Variants in MYH3 observed in about 807,000 individuals in gnomAD.
MYH3 encodes myosin heavy chain 3.
MYH3 carries 130 observed loss-of-function variants against 238.0 expected under a neutral mutation model. That is an observed-to-expected ratio of 0.55 (90% CI 0.47 to 0.63). MYH3 has a LOEUF of 0.63. Ranked by LOEUF, MYH3 falls within the 30% of genes least tolerant of loss-of-function variation. The pLI is 0.00. For missense variants in MYH3, 1,853 were observed against 2,374.9 expected, an observed-to-expected ratio of 0.78 and a Z score of 4.57; for synonymous variants, 880 against 924.1, an observed-to-expected ratio of 0.95 and a Z score of 0.86.
At chr17:10,635,616 G>A (rs908049428) in intron 29 of MYH3, 53 bp from the exon 30 acceptor site, 1 of 1,614,056 alleles carries the variant, frequency 6.2e-7, no homozygotes, top group Non-Finnish European at 8.5e-7. Context: ...CCAGGTGCAT[G>A]ATACAATCCA....
At position 10,633,720 on chromosome 17, in the gene MYH3, A is replaced by G. The variant is rs764600406; in HGVS notation, c.4523-5T>C. 1 of 1,613,778 alleles carries G rather than the reference A, an allele frequency of 6.2e-7. No homozygotes were observed. Among genetic ancestry groups the G allele is most frequent in the African/African-American group, 1.3e-5 (1 of 74,938 alleles). On this transcript the variant is annotated splice_region_variant and splice_polypyrimidine_tract_variant and intron_variant, in intron 32 of 40. Coordinates refer to ENST00000583535, the MANE Select transcript of MYH3 (RefSeq NM_002470.4). Reference sequence around the variant, plus strand: ...CTGTGAGATCTGCTATCTCCTCTGTAAAGAAGTAAGTTTCAGTTGCATATG... The same window carrying G: ...CTGTGAGATCTGCTATCTCCTCTGTGAAGAAGTAAGTTTCAGTTGCATATG...
the MYH3 span, among the ~76,000 whole-genome samples, chr17:10,672,202 C>T: frequency 6.6e-6 from 1 of 152,164 alleles, no homozygotes; most frequent in Non-Finnish European, 1.5e-5. Flanking sequence ...TTTCATTAAT[C>T]ACTGTTCCAA....
intron 12 of MYH3, among the ~76,000 whole-genome samples, chr17:10,645,044 A>T (rs1383006393): frequency 5.5e-5 from 8 of 146,726 alleles, no homozygotes; most frequent in Non-Finnish European, 1.0e-4. Context: ...GCTTCCATCC[A>T]TTTTTTTTTT....
intron 6 of MYH3, 37 bp from the exon 7 acceptor site, chr17:10,649,722 G>A (rs774208734): frequency 6.3e-7 from 1 of 1,595,680 alleles, no homozygotes; most frequent in South Asian, 1.1e-5. Context: ...AAAGAAACAA[G>A]TCTGTTAGTA....
Position 10,641,220 on chromosome 17 carries a change from A to G in MYH3, c.2048-18T>C. ...CATAGCCCCTGGGAACAGAAGCGAGATATCAGCCTTACACAGAATTTCTTA... is the reference window on the plus strand; with the variant it reads ...CATAGCCCCTGGGAACAGAAGCGAGGTATCAGCCTTACACAGAATTTCTTA... On this transcript the variant is annotated intron_variant, in intron 18 of 40. Coordinates refer to ENST00000583535, the MANE Select transcript of MYH3 (RefSeq NM_002470.4). The G allele has an allele frequency of 3.1e-6, 5 of 1,612,428 alleles. No homozygotes were observed. The highest frequency in any genetic ancestry group is 4.2e-6 in the Non-Finnish European group (5 of 1,178,472).
At chr17:10,637,783 C>T (rs2074228853) in intron 28 of MYH3, 26 bp downstream of exon 28, 1 of 1,613,486 alleles carries the variant, frequency 6.2e-7, no homozygotes, top group African/African-American at 1.3e-5. Context: ...GGTTTTGGCC[C>T]CACGGGTTTT....
At chr17:10,653,424 C>G (rs1464397113) in intron 3 of MYH3, among the ~76,000 whole-genome samples, 1 of 152,190 alleles carries the variant, frequency 6.6e-6, no homozygotes, top group Non-Finnish European at 1.5e-5. Flanking sequence ...ACCTCTTCCC[C>G]CTTCACCACC....
rs1377287179 is a variant in MYH3 at position 10,638,131 on chromosome 17, A to T, written c.3641T>A (p.Val1214Asp). Residue 1214 changes from valine to aspartate, a missense_variant, in exon 27 of 41, where the codon GTC (valine) becomes GAC (aspartate). This residue lies in a region of MYH3 where 1,044 missense variants were observed against 1,192.6 expected (regional missense o/e 0.88). Coordinates refer to ENST00000583535, the MANE Select transcript of MYH3 (RefSeq NM_002470.4). ...CTTCTCCTTCTCCAGCTTCTGCTTG[A>T]CCCGCTGCAGGTTGTCAATCTGCTC... ...LGEQIDNLQR[V>D]KQKLEKEKSE... The T allele has an allele frequency of 6.2e-7, 1 of 1,612,862 alleles. No individual in the cohort carries two copies. The highest frequency in any genetic ancestry group is 1.7e-5 in the Admixed American group (1 of 59,858).
rs2074175687 is a variant in MYH3, at chr17:10,632,648, A to G, written c.4784T>C (p.Val1595Ala). 6.2e-7 allele frequency: 1 copy of G among 1,613,546 alleles called. No homozygotes were observed. Among genetic ancestry groups the G allele is most frequent in the Non-Finnish European group, 8.5e-7 (1 of 1,179,954 alleles). The change falls in exon 34 of 41, where the codon GTG becomes GCG. Residue 1595 changes from valine (V) to alanine (A), a missense_variant. By Grantham distance (64) the Val-to-Ala change is moderately conservative (BLOSUM62 0). Around this residue, in one of 3 missense-constraint regions of MYH3, gnomAD observed 1,044 missense variants for 1,192.6 expected, o/e 0.88. Transcript: ENST00000583535. ...EQLKRNYQRT[V>A]ETMQSALDAE... ...GTCCAGGGCGCTCTGCATGGTTTCC[A>G]CTGTTCTCTGGTAGTTCCTCTTCAG...
the MYH3 span, among the ~76,000 whole-genome samples, chr17:10,663,146 T>C: frequency 2.7e-5 from 4 of 148,414 alleles, no homozygotes; most frequent in Admixed American, 2.7e-4. Context: ...TAAATCTTAT[T>C]GGACATTTTA....
rs1182364699 is a variant in MYH3, at chr17:10,642,455, A to G, written c.1850T>C (p.Leu617Pro). The G allele has an allele frequency of 6.2e-7, 1 of 1,614,184 alleles. No homozygotes were observed. The highest frequency in any genetic ancestry group is 8.5e-7 in the Non-Finnish European group (1 of 1,180,032). The change falls in exon 16 of 41, where the codon CTC becomes CCC. Residue 617 changes from leucine to proline, a missense_variant. Around this residue, in one of 3 missense-constraint regions of MYH3, gnomAD observed 678 missense variants for 1,058.9 expected, o/e 0.64. Coordinates refer to ENST00000583535, the MANE Select transcript of MYH3 (RefSeq NM_002470.4). This position sits in a 1 kb window ranked among gnomAD's most constrained non-coding sequence, Gnocchi z 5.4. Reference protein sequence around the residue: ...VGLYQKSSNRLLAHLYATFAT... With the variant: ...VGLYQKSSNRPLAHLYATFAT... ...AAACGTGGCATAGAGGTGTGCCAGGAGCCTGTTGGAAGACTTCTGGTACAG... is the reference window on the plus strand; with the variant it reads ...AAACGTGGCATAGAGGTGTGCCAGGGGCCTGTTGGAAGACTTCTGGTACAG...
chr17:10,643,024 A>G lies in MYH3; in HGVS notation c.1411-28T>C, dbSNP rs773339457. The G allele has an allele frequency of 2.5e-5, 40 of 1,614,046 alleles. No individual in the cohort carries two copies. In the African/African-American group the frequency reaches 4.8e-4, roughly 19 times the overall value. On this transcript the variant is annotated intron_variant, in intron 14 of 40. Transcript: ENST00000583535. ...AATAAAAAAATACAACATTCATGTG[A>G]AAAGTTAGACTTCTTTCAGAATCAA...
chr17:10,637,698 A>T, intron 28 of MYH3, 111 bp downstream of exon 28: 1 of 1,432,910 alleles, frequency 7.0e-7, no homozygotes, highest in Middle Eastern at 2.4e-4. Context: ...TCCTGAAAAG[A>T]TGCTTCCCTA....
Position 10,655,024 on chromosome 17 carries a change from G to A in MYH3, c.41C>T (p.Ala14Val). 1 of 1,614,234 alleles carries A rather than the reference G, an allele frequency of 6.2e-7. No homozygotes were observed. The highest frequency in any genetic ancestry group is 8.5e-7 in the Non-Finnish European group (1 of 1,180,044). The stretch of plus-strand genomic sequence containing the variant: ...CTTTTCTGACTTCCGGAGGAAAGGA[G>A]CAGCTATGCCGAACACTTCCATTTC... Reference protein sequence around the residue: ...DTEMEVFGIAAPFLRKSEKER... With the variant: ...DTEMEVFGIAVPFLRKSEKER... Residue 14 changes from alanine to valine, a missense_variant, in exon 3 of 41, where the codon GCT (alanine) becomes GTT (valine). Physicochemically the swap from Ala to Val is moderately conservative, Grantham distance 64 (BLOSUM62 0). Around this residue, in one of 3 missense-constraint regions of MYH3, gnomAD observed 131 missense variants for 123.5 expected, o/e 1.06. Coordinates refer to ENST00000583535, the MANE Select transcript of MYH3 (RefSeq NM_002470.4).
In MYH3 at chr17:10,647,166, C is replaced by T; in HGVS notation, c.898+16G>A. On this transcript the variant is annotated intron_variant, in intron 10 of 40. Transcript: ENST00000583535. Reference sequence around the variant, plus strand: ...CAAACTACCTAAAAGACCAGCCCCACTGGTGACTTCCTCACCTATGAGCTC... The same window carrying T: ...CAAACTACCTAAAAGACCAGCCCCATTGGTGACTTCCTCACCTATGAGCTC... The T allele has an allele frequency of 6.3e-7, 1 of 1,595,620 alleles. No homozygotes were observed. Among genetic ancestry groups the T allele is most frequent in the Non-Finnish European group, 8.6e-7 (1 of 1,163,216 alleles).
chr17:10,675,616 C>T, the MYH3 span: 1 of 152,164 alleles, frequency 6.6e-6, no homozygotes, highest in African/African-American at 2.4e-5. Context: ...GAATTACTAA[C>T]CATCTCACCT....
intron 28 of MYH3, among the ~76,000 whole-genome samples, chr17:10,637,015 G>A (rs2074222085): frequency 6.6e-6 from 1 of 151,888 alleles, no homozygotes; most frequent in Non-Finnish European, 1.5e-5. Context: ...CCAGGGCTGG[G>A]TGAAGCCACA....
the MYH3 span, among the ~76,000 whole-genome samples, chr17:10,664,636 A>C: frequency 6.8e-6 from 1 of 147,278 alleles, no homozygotes; most frequent in African/African-American, 2.4e-5. Flanking sequence ...AAACCTAAGG[A>C]GAGGACTCAA....
chr17:10,632,429 AGTAT>A (rs2074171807), intron 34 of MYH3, 43 bp downstream of exon 34: 9 of 1,589,680 alleles, frequency 5.7e-6, no homozygotes, highest in Non-Finnish European at 7.7e-6. Flanking sequence ...TACATTTCTG[AGTAT>A]GTGAGGAGGA....
Sources: allele counts gnomAD v4.1 joint callset (sites outside exome capture counted in the v4.1 genomes callset), GRCh38; gene constraint gnomAD v4.1.1; regional missense constraint gnomAD v4.1.1; non-coding constraint Gnocchi (gnomAD v3.1); transcripts MANE v1.5; gene names NCBI Gene and HGNC (gene_info 2026-07-23, HGNC 2026-07-21).